The following PEPD variants were observed in gnomAD, a reference collection of about 807,000 sequenced individuals.
The protein encoded by PEPD is xaa-Pro dipeptidase.
A neutral mutation model predicts 60.7 loss-of-function variants in PEPD; 53 were observed. The observed-to-expected ratio is 0.87, with a 90% CI of 0.70 to 1.10. The LOEUF (loss-of-function observed/expected upper bound fraction) is 1.10. Ranked by LOEUF, PEPD falls within the 50% of genes least tolerant of loss-of-function variation. PEPD has a pLI of 0.00. For missense variants in PEPD, 711 were observed against 711.9 expected (o/e 1.00, Z 0.01); for synonymous variants, 267 against 284.1 (o/e 0.94, Z 0.60).
At chr19:33,495,223 G>C (rs975428380) in intron 4 of PEPD, among the ~76,000 whole-genome samples, 1 of 151,958 alleles carries the variant, frequency 6.6e-6, no homozygotes. Context: ...AAAATTAAAT[G>C]CCAGCCAGCC....
At chr19:33,479,939 G>A (rs574128841) in intron 6 of PEPD, among the ~76,000 whole-genome samples, 3 of 152,274 alleles carry the variant, frequency 2.0e-5, no homozygotes, top group East Asian at 1.9e-4. Context: ...ACTCAGTAAC[G>A]GGATTGCTGG....
intron 4 of PEPD, among the ~76,000 whole-genome samples, chr19:33,498,516 G>A (rs1393754961): frequency 2.6e-5 from 4 of 152,218 alleles, no homozygotes; most frequent in Admixed American, 2.0e-4. Context: ...ACAGTGGCTG[G>A]GGAGGCTGTG....
chr19:33,469,047 G>A (rs1304540681), intron 7 of PEPD, among the ~76,000 whole-genome samples: 4 of 152,192 alleles, frequency 2.6e-5, no homozygotes, highest in Non-Finnish European at 5.9e-5. Context: ...CGGGGAACCC[G>A]CTGTCAGGGA....
chr19:33,394,401 G>C (rs541321985), intron 12 of PEPD, among the ~76,000 whole-genome samples: 3 of 152,246 alleles, frequency 2.0e-5, no homozygotes, highest in Non-Finnish European at 4.4e-5. Context: ...GTGCCGGCCC[G>C]GGGGTCCCCT....
intron 12 of PEPD, among the ~76,000 whole-genome samples, chr19:33,394,217 G>A (rs994639304): frequency 1.3e-5 from 2 of 152,236 alleles, no homozygotes; most frequent in African/African-American, 2.4e-5. Context: ...CCTCTCGGAC[G>A]CGCCCTTCTC....
At chr19:33,501,828 G>A (rs371337722) in intron 3 of PEPD, among the ~76,000 whole-genome samples, 4 of 152,152 alleles carry the variant, frequency 2.6e-5, no homozygotes, top group South Asian at 2.1e-4. Context: ...TCAGCCTCCC[G>A]AAGTGCTGGG....
At chr19:33,416,545 A>G (rs918241038) in intron 9 of PEPD, among the ~76,000 whole-genome samples, 4 of 152,152 alleles carry the variant, frequency 2.6e-5, no homozygotes, top group Non-Finnish European at 5.9e-5. Context: ...CTCACCTGGA[A>G]GGCGGATGGG....
chr19:33,411,505 C>T (rs1018926756), intron 11 of PEPD, among the ~76,000 whole-genome samples, 167 bp downstream of exon 11: 9 of 152,164 alleles, frequency 5.9e-5, no homozygotes, highest in South Asian at 2.1e-4. Context: ...GAAGGCACCA[C>T]GCAGGCCGAT....
At chr19:33,495,896 G>A (rs1028950106) in intron 4 of PEPD, among the ~76,000 whole-genome samples, 7 of 152,114 alleles carry the variant, frequency 4.6e-5, no homozygotes, top group African/African-American at 9.7e-5. Flanking sequence ...TAGGAGAACC[G>A]CTTGAACCTG....
At chr19:33,516,253 G>C (rs79815161) in intron 1 of PEPD, among the ~76,000 whole-genome samples, 1 of 152,100 alleles carries the variant, frequency 6.6e-6, no homozygotes, top group Non-Finnish European at 1.5e-5. Context: ...CTGCAAATTC[G>C]GCAAATGTAG....
At chr19:33,498,588 A>G (rs1970651138) in intron 4 of PEPD, among the ~76,000 whole-genome samples, 1 of 152,216 alleles carries the variant, frequency 6.6e-6, no homozygotes, top group Non-Finnish European at 1.5e-5. Context: ...CGGTCCCACC[A>G]CGGTCCTTGA....
chr19:33,509,684 C>G (rs528655739), intron 3 of PEPD, among the ~76,000 whole-genome samples: 1 of 152,354 alleles, frequency 6.6e-6, no homozygotes, highest in South Asian at 2.1e-4. Flanking sequence ...GCAGCAAAGG[C>G]TGCAATTTAT....
rs770898814 is a variant in PEPD at position 33,387,473 on chromosome 19, G to A, written c.1353C>T (p.Ile451=). Residue 451 remains isoleucine, a synonymous_variant, in exon 15 of 15, where the codon ATC becomes ATT. Coordinates refer to ENST00000244137, the MANE Select transcript of PEPD (RefSeq NM_000285.4). ...TGTCAGTCACCACGACGTCCTCCTC[G>A]ATGCGGACCTGGGTCAAGCCGACAG... ...QRFRGFGGVR[I]EEDVVVTDSG... The A allele has an allele frequency of 1.4e-5, 22 of 1,613,660 alleles. No homozygotes were observed. Among genetic ancestry groups the A allele is most frequent in the Non-Finnish European group, 1.7e-5 (20 of 1,180,044 alleles).
chr19:33,389,742 G>C (rs1968167428), intron 13 of PEPD, among the ~76,000 whole-genome samples: 1 of 152,258 alleles, frequency 6.6e-6, no homozygotes, highest in Admixed American at 6.5e-5. Context: ...AAATCTTGAG[G>C]TCCACCACTG....
At chr19:33,472,920 G>C (rs1305400581) in intron 7 of PEPD, among the ~76,000 whole-genome samples, 2 of 152,192 alleles carry the variant, frequency 1.3e-5, no homozygotes, top group Admixed American at 1.3e-4. Context: ...AATCCCACAA[G>C]GGGAAGGACA....
intron 1 of PEPD, among the ~76,000 whole-genome samples, chr19:33,514,426 T>G (rs933265123): frequency 1.3e-5 from 2 of 151,962 alleles, no homozygotes; most frequent in Non-Finnish European, 2.9e-5. Flanking sequence ...CTCCTGCACA[T>G]CTTGGCTCCA....
chr19:33,436,947 A>C (rs1969389352), intron 9 of PEPD, among the ~76,000 whole-genome samples: 1 of 152,214 alleles, frequency 6.6e-6, no homozygotes, highest in African/African-American at 2.4e-5. Context: ...TTAAAGTCCG[A>C]TGAGGCAGAA....
intron 1 of PEPD, among the ~76,000 whole-genome samples, chr19:33,513,021 C>T (rs1162190322): frequency 6.6e-6 from 1 of 151,086 alleles, no homozygotes; most frequent in Non-Finnish European, 1.5e-5. Flanking sequence ...CCCTGCTCCT[C>T]TGCCCCCCAA....
intron 12 of PEPD, among the ~76,000 whole-genome samples, chr19:33,393,638 G>C (rs58865132): frequency 6.6e-6 from 1 of 152,100 alleles, no homozygotes; most frequent in African/African-American, 2.4e-5. Context: ...GCAGCACCCC[G>C]GACAGTGGCA....
Sources: gnomAD v4.1 joint callset for allele counts (sites outside exome capture counted in the v4.1 genomes callset) on GRCh38, gnomAD v4.1.1 for gene constraint, MANE v1.5 for transcripts, NCBI Gene and HGNC (gene_info 2026-07-23, HGNC 2026-07-21) for gene names.